The following DCC variants were observed in gnomAD, a reference collection of about 807,000 sequenced individuals.
The protein encoded by DCC is DCC netrin 1 receptor.
DCC carries 58 observed loss-of-function variants against 172.5 expected under a neutral mutation model. The ratio of observed to expected loss-of-function variants is 0.34; its 90% CI spans 0.27 to 0.42. The LOEUF (loss-of-function observed/expected upper bound fraction) is 0.42. DCC is among the 10% of genes least tolerant of loss of function. The pLI is 1.00. For synonymous variants in DCC, 709 were observed against 644.5 expected (o/e 1.10, Z -1.52); for missense variants, 1,740 against 1,791.0 (o/e 0.97, Z 0.51).
Position 53,361,085 on chromosome 18 carries a change from C to G in DCC, c.2359+21178C>G, listed in dbSNP as rs1039443372. Among the ~76,000 whole-genome samples the G allele has an allele frequency of 3.3e-5, 5 of 152,040 alleles. No individual in the cohort carries two copies. In the South Asian group the frequency reaches 1.0e-3, roughly 32 times the overall value. ...TCCCATGATGTGTCCATATAAGAGG[C>G]ACATGGTGGAGAGATACAAGAGGAG... is the stretch of plus-strand genomic sequence containing the variant. On this transcript the variant is annotated intron_variant, in intron 15 of 28. Coordinates refer to ENST00000442544, the MANE Select transcript of DCC (RefSeq NM_005215.4).
intron 1 of DCC, among the ~76,000 whole-genome samples, chr18:52,412,858 T>C (rs1290465845): frequency 1.2e-4 from 19 of 152,122 alleles, no homozygotes; most frequent in Admixed American, 1.2e-3. Flanking sequence ...TTACAGATAA[T>C]AACTTCTTGT....
intron 25 of DCC, among the ~76,000 whole-genome samples, chr18:53,471,998 C>T (rs978428372): frequency 2.0e-5 from 3 of 152,132 alleles, no homozygotes; most frequent in Non-Finnish European, 4.4e-5. Flanking sequence ...AGAACAGCAC[C>T]TGGCACATGG....
At chr18:52,642,956 A>G (rs1162960163) in intron 1 of DCC, among the ~76,000 whole-genome samples, 1 of 152,206 alleles carries the variant, frequency 6.6e-6, no homozygotes, top group Admixed American at 6.5e-5. Context: ...CCTAGCCCTA[A>G]TAAGATTTTT....
At position 52,933,435 on chromosome 18, in the gene DCC, A is replaced by G. The variant is rs1020412813; in HGVS notation, c.985+8065A>G. Among the ~76,000 whole-genome samples the G allele has an allele frequency of 4.0e-5, 6 of 150,728 alleles. No homozygotes were observed. The Admixed American group carries it at 4.0e-4, about 10-fold the overall frequency. On this transcript the variant is annotated intron_variant, in intron 5 of 28. Transcript: ENST00000442544. Reference sequence around the variant, plus strand: ...GGGAGTGGTGAGGGGAGAGTATGAGAATGGGGGAGGGAGTGTTGAGGGGAG... The same window carrying G: ...GGGAGTGGTGAGGGGAGAGTATGAGGATGGGGGAGGGAGTGTTGAGGGGAG...
intron 5 of DCC, among the ~76,000 whole-genome samples, chr18:53,007,320 G>A (rs774604324): frequency 2.0e-5 from 3 of 152,122 alleles, no homozygotes; most frequent in African/African-American, 7.2e-5. Context: ...AGACGTGAAT[G>A]TCAGCCAATT....
At chr18:53,049,283 C>G (rs1056501236) in intron 5 of DCC, among the ~76,000 whole-genome samples, 3 of 151,964 alleles carry the variant, frequency 2.0e-5, no homozygotes, top group African/African-American at 7.2e-5. Flanking sequence ...ATGGTATTTC[C>G]TAGCCTATCT....
intron 5 of DCC, among the ~76,000 whole-genome samples, chr18:52,935,795 T>C (rs1472308632): frequency 2.0e-5 from 3 of 152,142 alleles, no homozygotes; most frequent in Non-Finnish European, 2.9e-5. Context: ...TAATAAAATA[T>C]GTTAAGATAA....
chr18:53,512,157 A>AC (rs922950852), intron 27 of DCC, among the ~76,000 whole-genome samples: 6 of 150,218 alleles, frequency 4.0e-5, no homozygotes, highest in African/African-American at 7.3e-5. Flanking sequence ...CCTGACCCCG[A>AC]CCCCCCAGCA....
chr18:53,036,958 A>G (rs1333734329), intron 5 of DCC, among the ~76,000 whole-genome samples: 1 of 151,994 alleles, frequency 6.6e-6, no homozygotes, highest in East Asian at 1.9e-4. Context: ...GGTAGCAGGG[A>G]CATGAGTATT....
At chr18:53,362,826 T>C (rs1415978243) in intron 15 of DCC, among the ~76,000 whole-genome samples, 1 of 152,084 alleles carries the variant, frequency 6.6e-6, no homozygotes, top group Non-Finnish European at 1.5e-5. Context: ...TATTATTACT[T>C]ACGCTGCTGT....
chr18:52,885,775 C>G (rs909383777), intron 2 of DCC, among the ~76,000 whole-genome samples: 2 of 152,084 alleles, frequency 1.3e-5, no homozygotes, highest in Admixed American at 6.5e-5. Flanking sequence ...TGGATCACAT[C>G]TGAAGCCACA....
chr18:53,289,614 A>G lies in DCC; in HGVS notation c.1912-15964A>G, dbSNP rs1454070983. On this transcript the variant is annotated intron_variant, in intron 12 of 28. Transcript: ENST00000442544. ...TTTGGGATGTTTATTGAACAAATTAATAAAGTGACTAATGTAAATTATAGT... is the reference window on the plus strand; with the variant it reads ...TTTGGGATGTTTATTGAACAAATTAGTAAAGTGACTAATGTAAATTATAGT... Among the ~76,000 whole-genome samples, 3 of 151,628 alleles carry G rather than the reference A, an allele frequency of 2.0e-5. No individual in the cohort carries two copies. In the East Asian group the frequency reaches 5.8e-4, roughly 29 times the overall value.
chr18:52,888,149 C>T (rs992882771), intron 2 of DCC, among the ~76,000 whole-genome samples: 2 of 152,228 alleles, frequency 1.3e-5, no homozygotes, highest in African/African-American at 4.8e-5. Flanking sequence ...ATGCCCTCCC[C>T]TGTTGTGCTT....
At chr18:53,504,000 C>T (rs1015754604) in intron 27 of DCC, among the ~76,000 whole-genome samples, 7 of 152,234 alleles carry the variant, frequency 4.6e-5, no homozygotes, top group African/African-American at 9.6e-5. Flanking sequence ...TGATTTTCCC[C>T]GTGCAAATTG....
At chr18:53,125,026 A>C (rs2144299776) in intron 7 of DCC, among the ~76,000 whole-genome samples, 1 of 152,090 alleles carries the variant, frequency 6.6e-6, no homozygotes, top group South Asian at 2.1e-4. Context: ...TATTTCCCCA[A>C]ACATAAAATA....
At chr18:53,277,357 C>A (rs2056817785) in intron 12 of DCC, among the ~76,000 whole-genome samples, 1 of 152,100 alleles carries the variant, frequency 6.6e-6, no homozygotes, top group African/African-American at 2.4e-5. Context: ...GTGGTCCCAG[C>A]TGGAGAAGGA....
chr18:53,367,248 AG>A (rs2058015978), intron 15 of DCC, among the ~76,000 whole-genome samples: 1 of 151,152 alleles, frequency 6.6e-6, no homozygotes, highest in African/African-American at 2.4e-5. Flanking sequence ...TTACAATGTA[AG>A]ATGAACAGCT....
intron 7 of DCC, among the ~76,000 whole-genome samples, chr18:53,119,354 G>A (rs1380938316): frequency 2.0e-5 from 3 of 151,520 alleles, no homozygotes; most frequent in East Asian, 2.0e-4. Flanking sequence ...TATCATTTTT[G>A]TGTACTTAGC....
At chr18:52,720,238 T>C (rs1225783089) in intron 1 of DCC, among the ~76,000 whole-genome samples, 2 of 152,190 alleles carry the variant, frequency 1.3e-5, no homozygotes, top group African/African-American at 4.8e-5. Flanking sequence ...CCATATGGAA[T>C]TGACTTTCAA....
Sources: gnomAD v4.1 joint callset for allele counts (sites outside exome capture counted in the v4.1 genomes callset) on GRCh38, gnomAD v4.1.1 for gene constraint, MANE v1.5 for transcripts, NCBI Gene and HGNC (gene_info 2026-07-23, HGNC 2026-07-21) for gene names.